Variants in EYS observed in about 807,000 individuals in gnomAD.
The protein encoded by EYS is protein eyes shut homolog.
EYS carries 250 observed loss-of-function variants against 282.1 expected under a neutral mutation model. That is an observed-to-expected ratio of 0.89 (90% confidence interval 0.80 to 0.98). The LOEUF (loss-of-function observed/expected upper bound fraction) is 0.98, where lower values mean the gene tolerates loss of function less well. EYS is among the 50% of genes least tolerant of loss of function. The pLI is 0.00. For synonymous variants in EYS, 1,355 were observed against 1,282.9 expected (o/e 1.06, Z -1.20); for missense variants, 4,016 against 3,709.0 (o/e 1.08, Z -2.15).
chr6:63,925,784 T>C (rs764567492), intron 35 of EYS, among the ~76,000 whole-genome samples: 1 of 152,184 alleles, frequency 6.6e-6, no homozygotes, highest in Non-Finnish European at 1.5e-5. Context: ...GTTGGGATTA[T>C]AGGCACGTGG....
intron 24 of EYS, among the ~76,000 whole-genome samples, chr6:64,610,300 A>G (rs1253551258): frequency 6.6e-6 from 1 of 152,198 alleles, no homozygotes; most frequent in Non-Finnish European, 1.5e-5. Flanking sequence ...CTGATGCATA[A>G]AGATGAAAGG....
chr6:64,364,597 A>G (rs1032392278), intron 29 of EYS, among the ~76,000 whole-genome samples: 3 of 152,074 alleles, frequency 2.0e-5, no homozygotes, highest in East Asian at 3.9e-4. Flanking sequence ...AGGCTTTTCT[A>G]CCTTTAAAAT....
chr6:64,512,195 G>A (rs911020168), intron 26 of EYS, among the ~76,000 whole-genome samples: 1 of 152,008 alleles, frequency 6.6e-6, no homozygotes, highest in Non-Finnish European at 1.5e-5. Flanking sequence ...ATTACCCAGA[G>A]TTGGGTTCCA....
At chr6:64,965,086 G>A (rs2150108135) in intron 14 of EYS, among the ~76,000 whole-genome samples, 1 of 151,714 alleles carries the variant, frequency 6.6e-6, no homozygotes, top group African/African-American at 2.4e-5. Flanking sequence ...CATGCCCAAG[G>A]GTAATAAATA....
At chr6:64,707,988 A>C (rs1771089003) in intron 22 of EYS, among the ~76,000 whole-genome samples, 1 of 152,178 alleles carries the variant, frequency 6.6e-6, no homozygotes, top group South Asian at 2.1e-4. Context: ...TAATGCATAA[A>C]ATTATATAAA....
chr6:64,948,436 A>ATATTAAATATTGTATTTAATAT (rs1769367081), intron 14 of EYS, among the ~76,000 whole-genome samples: 1 of 147,772 alleles, frequency 6.8e-6, no homozygotes, highest in Non-Finnish European at 1.5e-5. Flanking sequence ...GTATTAAATA[A>ATATTAAATATTGTATTTAATAT]TATTAAATAT....
chr6:63,745,934 A>G (rs1440489173), intron 41 of EYS, among the ~76,000 whole-genome samples: 1 of 152,208 alleles, frequency 6.6e-6, no homozygotes, highest in Non-Finnish European at 1.5e-5. Context: ...TGTGTGTACC[A>G]TGTGAGGACA....
intron 35 of EYS, among the ~76,000 whole-genome samples, chr6:63,870,360 C>A (rs1037977451): frequency 1.3e-5 from 2 of 152,144 alleles, no homozygotes; most frequent in Non-Finnish European, 2.9e-5. Context: ...CAGCACACAA[C>A]GTCGATGGTT....
chr6:64,782,846 C>G (rs1475318862), intron 22 of EYS, among the ~76,000 whole-genome samples: 1 of 152,166 alleles, frequency 6.6e-6, no homozygotes, highest in African/African-American at 2.4e-5. Flanking sequence ...TTTTAGGGCA[C>G]TTGTATTTTT....
chr6:64,599,896 C>T (rs1766708962), intron 24 of EYS, among the ~76,000 whole-genome samples: 1 of 152,208 alleles, frequency 6.6e-6, no homozygotes, highest in South Asian at 2.1e-4. Flanking sequence ...TGTACTCTGA[C>T]AGTCTACTTA....
chr6:65,043,256 A>T (rs2150150334), intron 13 of EYS, among the ~76,000 whole-genome samples: 1 of 151,710 alleles, frequency 6.6e-6, no homozygotes, highest in South Asian at 2.1e-4. Flanking sequence ...ATACACATGT[A>T]GTAAGTGTTT....
intron 11 of EYS, 180 bp downstream of exon 11, chr6:65,334,800 T>C (rs1464034011): frequency 5.2e-6 from 3 of 575,920 alleles, no homozygotes; most frequent in East Asian, 2.9e-5. Flanking sequence ...TTGTTATACA[T>C]AACATGTATT....
intron 22 of EYS, among the ~76,000 whole-genome samples, chr6:64,763,173 A>T (rs1389923030): frequency 2.0e-5 from 3 of 152,230 alleles, no homozygotes; most frequent in Non-Finnish European, 4.4e-5. Flanking sequence ...CAATAAAGTT[A>T]AATTTTAAGG....
intron 12 of EYS, among the ~76,000 whole-genome samples, chr6:65,245,681 T>C (rs188912057): frequency 8.5e-4 from 129 of 151,910 alleles, no homozygotes; most frequent in African/African-American, 2.9e-3. Flanking sequence ...TAATTGCACC[T>C]TCTCCTTAAA....
intron 30 of EYS, among the ~76,000 whole-genome samples, chr6:64,236,138 C>A (rs1766598808): frequency 6.6e-6 from 1 of 152,086 alleles, no homozygotes; most frequent in Non-Finnish European, 1.5e-5. Flanking sequence ...ATCAAGTGGG[C>A]TTTTTTCTGT....
At chr6:64,925,769 C>T (rs1327239592) in intron 15 of EYS, among the ~76,000 whole-genome samples, 1 of 152,068 alleles carries the variant, frequency 6.6e-6, no homozygotes, top group African/African-American at 2.4e-5. Context: ...GGTTGTAGAA[C>T]ATTCAGTGGT....
At chr6:65,028,666 T>A (rs532895779) in intron 13 of EYS, among the ~76,000 whole-genome samples, 1 of 152,212 alleles carries the variant, frequency 6.6e-6, no homozygotes, top group African/African-American at 2.4e-5. Context: ...TGATATGTTA[T>A]CCTCAGTGCA....
chr6:65,164,447 A>T (rs925334869), intron 12 of EYS, among the ~76,000 whole-genome samples: 14 of 151,138 alleles, frequency 9.3e-5, no homozygotes, highest in Non-Finnish European at 1.9e-4. Context: ...ATTACTGTAC[A>T]CTTTCCTTTT....
intron 8 of EYS, among the ~76,000 whole-genome samples, chr6:65,364,045 T>G (rs900634273): frequency 4.0e-5 from 6 of 151,100 alleles, no homozygotes; most frequent in Admixed American, 2.0e-4. Context: ...TCTTTGGTAT[T>G]TTTTCAAAGT....
Sources: allele counts gnomAD v4.1 joint callset (sites outside exome capture counted in the v4.1 genomes callset), GRCh38; gene constraint gnomAD v4.1.1; transcripts MANE v1.5; gene names NCBI Gene and HGNC (gene_info 2026-07-23, HGNC 2026-07-21).